Variants in KCNQ2 observed in about 807,000 individuals in gnomAD.
KCNQ2 encodes potassium voltage-gated channel subfamily Q member 2, also known as potassium voltage-gated channel subfamily KQT member 2.
In KCNQ2, 14 loss-of-function variants were observed where a neutral mutation model predicts 84.8. The ratio of observed to expected loss-of-function variants is 0.17; its 90% CI spans 0.11 to 0.26. The LOEUF (loss-of-function observed/expected upper bound fraction) is 0.26. Among genes scored for constraint, KCNQ2 ranks in the 10% least tolerant of loss-of-function variants. The pLI is 1.00. For synonymous variants in KCNQ2, 599 were observed against 554.1 expected (o/e 1.08, Z -1.14); for missense variants, 788 against 1,254.0 (o/e 0.63, Z 5.61).
chr20:63,413,766 T>G (rs2080199152), intron 14 of KCNQ2, among the ~76,000 whole-genome samples, 185 bp from the exon 15 acceptor site: 1 of 151,692 alleles, frequency 6.6e-6, no homozygotes, highest in Non-Finnish European at 1.5e-5. Context: ...CCGGGACAGG[T>G]GGGGCTTGCA....
At chr20:63,413,263 G>A (rs1394549887) in intron 15 of KCNQ2, 187 bp downstream of exon 15, 1 of 657,584 alleles carries the variant, frequency 1.5e-6, no homozygotes, top group Non-Finnish European at 2.7e-6. Flanking sequence ...GGGAGAGATG[G>A]GAGAGACAGC....
intron 4 of KCNQ2, among the ~76,000 whole-genome samples, chr20:63,443,188 C>CCAT (rs2081285628): frequency 3.2e-5 from 3 of 93,312 alleles, no homozygotes; most frequent in Admixed American, 1.2e-4. Flanking sequence ...ATCACCATCA[C>CCAT]CACCACCACC....
At position 63,412,296 on chromosome 20, in the gene KCNQ2, G is replaced by A. The variant is rs6011819; in HGVS notation, c.1763+1154C>T. 1,783 of 175,492 alleles carry A rather than the reference G, an allele frequency of 0.01. 89 individuals carry two copies. The South Asian group carries it at 0.13, about 13-fold the overall frequency. 10.9% of individuals were successfully genotyped at this position (175,492 alleles called of 1,614,324 possible). On this transcript the variant is annotated intron_variant, in intron 15 of 16. Coordinates refer to ENST00000359125, the MANE Select transcript of KCNQ2 (RefSeq NM_172107.4). Reference sequence around the variant, plus strand: ...TTGTTTTTCCAGAGAGAGAGGGAAGGAAAGGGAAAATTTAGGACAAGAGAT... The same window carrying A: ...TTGTTTTTCCAGAGAGAGAGGGAAGAAAAGGGAAAATTTAGGACAAGAGAT...
chr20:63,423,649 T>C (rs1399555173), intron 11 of KCNQ2: 3 of 153,490 alleles, frequency 2.0e-5, no homozygotes, highest in African/African-American at 7.3e-5. Flanking sequence ...CCAGCCAGAA[T>C]CTCCACCCAG....
At chr20:63,415,989 C>T (rs945201416) in intron 12 of KCNQ2, among the ~76,000 whole-genome samples, 2 of 152,212 alleles carry the variant, frequency 1.3e-5, no homozygotes, top group African/African-American at 4.8e-5. Flanking sequence ...TTCCACCCAC[C>T]CCGGGGGCCT....
intron 6 of KCNQ2, among the ~76,000 whole-genome samples, 179 bp downstream of exon 6, chr20:63,439,419 T>G (rs977906619): frequency 6.6e-6 from 1 of 152,144 alleles, no homozygotes; most frequent in Admixed American, 6.5e-5. Context: ...CTCCAGTCCT[T>G]GGGGAACAAG....
In KCNQ2 at chr20:63,460,119, C is replaced by T. The variant is rs1211962158; in HGVS notation, c.296+12049G>A. 6.6e-6 allele frequency: 1 copy of T among 152,450 alleles called. No homozygotes were observed. Among genetic ancestry groups the T allele is most frequent in the East Asian group, 1.9e-4 (1 of 5,178 alleles). The allele number at this position is 152,450 out of a possible 1,614,324, so 9.4% of individuals were successfully genotyped here. A position where few individuals can be genotyped will look rare whatever the true frequency, so the allele number is the denominator to read the frequency against. ...CCAGCCCAGCCTACTCCTCCCCAAA[C>T]CCGAGCCCCGGAGCTTCCCTGTCAT... is the stretch of plus-strand genomic sequence containing the variant. On this transcript the variant is annotated intron_variant, in intron 1 of 16. Coordinates refer to ENST00000359125, the MANE Select transcript of KCNQ2 (RefSeq NM_172107.4). This position sits in a 1 kb window ranked among gnomAD's most constrained non-coding sequence, Gnocchi z 5.4.
At chr20:63,432,295 G>C (rs369656788) in intron 8 of KCNQ2, among the ~76,000 whole-genome samples, 1 of 148,510 alleles carries the variant, frequency 6.7e-6, no homozygotes, top group Non-Finnish European at 1.5e-5. Flanking sequence ...CTCAGGGAAG[G>C]CTCCACCCAC....
chr20:63,426,003 C>T (rs932018810), intron 10 of KCNQ2, among the ~76,000 whole-genome samples: 8 of 152,192 alleles, frequency 5.3e-5, no homozygotes, highest in African/African-American at 1.7e-4. Flanking sequence ...GCTCTGGGGA[C>T]GCTCCTCGGG....
At position 63,453,501 on chromosome 20, in the gene KCNQ2, A is replaced by G. The variant is rs73320480; in HGVS notation, c.297-6664T>C. On this transcript the variant is annotated intron_variant, in intron 1 of 16. Coordinates refer to ENST00000359125, the MANE Select transcript of KCNQ2 (RefSeq NM_172107.4). ...TCTGCGGGCGATCCTCTGTCTGCCT[A>G]ACGGGGTTTTCTCTGAACTCTCAGC... is the stretch of plus-strand genomic sequence containing the variant. Among the ~76,000 whole-genome samples, 463 of 152,340 alleles carry G rather than the reference A, an allele frequency of 3.0e-3. 2 individuals are homozygous for G. The highest frequency in any genetic ancestry group is 0.011 in the African/African-American group (441 of 41,580).
rs2079845416 is a variant in KCNQ2, at chr20:63,403,245, A to G, written c.*3399T>C. ...AGGAGCCCGGACAGTCGGATACCCC[A>G]CGACGGCGCTTGACATTCCAGCATC... On this transcript the variant is annotated 3_prime_UTR_variant, in exon 17 of 17. Transcript: ENST00000359125. The G allele has an allele frequency of 6.6e-6, 1 of 152,206 alleles. No homozygotes were observed. Among genetic ancestry groups the G allele is most frequent in the Non-Finnish European group, 1.5e-5 (1 of 68,080 alleles). 9.4% of individuals were successfully genotyped at this position (152,206 alleles called of 1,614,324 possible).
Position 63,445,299 on chromosome 20 carries a change from G to A in KCNQ2, c.453C>T (p.Cys151=). 6.2e-7 allele frequency: 1 copy of A among 1,613,858 alleles called. No individual in the cohort carries two copies. Among genetic ancestry groups the A allele is most frequent in the East Asian group, 2.2e-5 (1 of 44,888 alleles). The change falls in exon 3 of 17, where the codon TGC becomes TGT. Residue 151 remains cysteine (C), a synonymous_variant. Coordinates refer to ENST00000359125, the MANE Select transcript of KCNQ2 (RefSeq NM_172107.4). The stretch of plus-strand genomic sequence containing the variant: ...GCCCCCTCCAGCCACGGTACCGGCA[G>A]CAGCAGCCTGCGGCCCAGATCCGCA... ...YFVRIWAAGC[C]CRYRGWRGRL...
chr20:63,407,572 C>G lies in KCNQ2; in HGVS notation c.1888-197G>C, dbSNP rs2079988944. On this transcript the variant is annotated intron_variant, in intron 16 of 16. Transcript: ENST00000359125. This position sits in a 1 kb window ranked among gnomAD's most constrained non-coding sequence, Gnocchi z 7.2. ...GGGCTGCTCCCAGGAAATGGGGGGG[C>G]CCAGGCTGGTTCCAGGAAACAGGAG... Among the ~76,000 whole-genome samples, 1 of 151,180 alleles carries G rather than the reference C, an allele frequency of 6.6e-6. No individual in the cohort carries two copies. The highest frequency in any genetic ancestry group is 2.1e-4 in the South Asian group (1 of 4,782).
At chr20:63,443,421 CCAT>C (rs1568937826) in intron 4 of KCNQ2, among the ~76,000 whole-genome samples, 424 of 33,944 alleles carry the variant, frequency 0.012, 5 homozygotes, top group South Asian at 0.033. Flanking sequence ...ACCATCACCA[CCAT>C]CATCACCATC....
intron 10 of KCNQ2, 70 bp from the exon 11 acceptor site, chr20:63,424,276 A>G: frequency 2.0e-6 from 3 of 1,511,460 alleles, no homozygotes; most frequent in Non-Finnish European, 2.7e-6. Context: ...CAACCAGTCC[A>G]GCCCCCCACA....
intron 4 of KCNQ2, among the ~76,000 whole-genome samples, chr20:63,443,433 TCACCATCACCAC>T (rs2081315087): frequency 5.0e-5 from 1 of 20,002 alleles, no homozygotes; most frequent in Non-Finnish European, 1.0e-4. Context: ...ATCATCACCA[TCACCATCACCAC>T]CACCATCACC....
chr20:63,402,033 C>A lies in KCNQ2; in HGVS notation c.*4611G>T, dbSNP rs553616999. ...GGCACCCTCCATGGCAGGTCCAAGC[C>A]CTGTGAACCATCCCTCTCACACCAC... On this transcript the variant is annotated 3_prime_UTR_variant, in exon 17 of 17. Transcript: ENST00000359125. 1.4e-4 allele frequency: 21 copies of A among 145,106 alleles called. No individual in the cohort carries two copies. The East Asian group carries it at 4.1e-3, about 28-fold the overall frequency. The allele number at this position is 145,106 out of a possible 1,614,324, so 9.0% of individuals were successfully genotyped here.
In KCNQ2 at chr20:63,442,559, GACC is replaced by G. The variant is rs374464103; in HGVS notation, c.691-31_691-29del. 9.7e-3 allele frequency: 15,643 copies of G among 1,607,972 alleles called. 171 individuals carry two copies. Among genetic ancestry groups the G allele is most frequent in the Middle Eastern group, 0.065 (392 of 6,052 alleles). On this transcript the variant is annotated intron_variant, in intron 4 of 16. Coordinates refer to ENST00000359125, the MANE Select transcript of KCNQ2 (RefSeq NM_172107.4). ...GAGAGGCAGACGGCACCACCATCAT[GACC>G]ACCATCACCAGAAGCATCACCATCA...
rs987719456 is a variant in KCNQ2, at chr20:63,408,726, G to A, written c.1764-190C>T. Among the ~76,000 whole-genome samples the A allele has an allele frequency of 1.3e-5, 2 of 152,216 alleles. No homozygotes were observed. The highest frequency in any genetic ancestry group is 4.8e-5 in the African/African-American group (2 of 41,450). Reference sequence around the variant, plus strand: ...CGTTCTCAGCCCGTCTTCTGGCACCGTGAGGTTCTGCTCCTGCCCGCTCTG... The same window carrying A: ...CGTTCTCAGCCCGTCTTCTGGCACCATGAGGTTCTGCTCCTGCCCGCTCTG... On this transcript the variant is annotated intron_variant, in intron 15 of 16. Coordinates refer to ENST00000359125, the MANE Select transcript of KCNQ2 (RefSeq NM_172107.4). This position sits in a 1 kb window ranked among gnomAD's most constrained non-coding sequence, Gnocchi z 5.0.
Sources: gnomAD v4.1 joint callset for allele counts (sites outside exome capture counted in the v4.1 genomes callset) on GRCh38, gnomAD v4.1.1 for gene constraint, Gnocchi (gnomAD v3.1) non-coding constraint, MANE v1.5 for transcripts, NCBI Gene and HGNC (gene_info 2026-07-23, HGNC 2026-07-21) for gene names.